Variants in TBC1D32 observed in about 807,000 individuals in gnomAD.
The protein encoded by TBC1D32 is TBC1 domain family member 32, also known as protein broad-minded.
TBC1D32 carries 151 observed loss-of-function variants against 170.3 expected under a neutral mutation model. The observed-to-expected ratio is 0.89, with a 90% CI of 0.78 to 1.01. TBC1D32 has a LOEUF of 1.01. Ranked by LOEUF, TBC1D32 falls within the 50% of genes least tolerant of loss-of-function variation. The pLI is 0.00. For missense variants in TBC1D32, 1,464 were observed against 1,457.1 expected (o/e 1.00, Z -0.08); for synonymous variants, 498 against 488.0 (o/e 1.02, Z -0.27).
intron 30 of TBC1D32, among the ~76,000 whole-genome samples, chr6:121,098,188 A>C (rs1372130807): frequency 8.5e-6 from 1 of 117,832 alleles, no homozygotes; most frequent in African/African-American, 5.9e-5. Context: ...CAGAACTTAA[A>C]GTAGAATAAT....
intron 1 of TBC1D32, among the ~76,000 whole-genome samples, chr6:121,327,604 A>C (rs1810619450): frequency 6.6e-6 from 1 of 152,204 alleles, no homozygotes; most frequent in Non-Finnish European, 1.5e-5. Context: ...GGTAAAGGAA[A>C]GCAAGCCATG....
At chr6:121,295,097 A>G (rs1805416681) in intron 10 of TBC1D32, among the ~76,000 whole-genome samples, 3 of 150,996 alleles carry the variant, frequency 2.0e-5, no homozygotes, top group Non-Finnish European at 4.4e-5. Flanking sequence ...CTAAAAACTG[A>G]TAAAAGAAAA....
intron 21 of TBC1D32, among the ~76,000 whole-genome samples, chr6:121,208,729 G>GAAAAAAAAAAAAAAAAAAAAAAA: frequency 1.2e-5 from 1 of 86,916 alleles, no homozygotes; most frequent in Non-Finnish European, 2.4e-5. Context: ...GAAACACCTG[G>GAAAAAAAAAAAAAAAAAAAAAAA]AAAAAAAAAA....
intron 17 of TBC1D32, among the ~76,000 whole-genome samples, chr6:121,243,756 A>C (rs188891519): frequency 5.3e-5 from 8 of 152,132 alleles, no homozygotes; most frequent in Non-Finnish European, 8.8e-5. Context: ...ATATATATAA[A>C]AGTCAACAAA....
At chr6:121,303,512 T>C (rs1806796810) in intron 9 of TBC1D32, 105 bp downstream of exon 9, 6 of 963,566 alleles carry the variant, frequency 6.2e-6, no homozygotes, top group Non-Finnish European at 8.3e-6. Flanking sequence ...CTAACACATG[T>C]AAAAGTGATT....
chr6:121,308,004 G>T lies in TBC1D32; in HGVS notation c.662C>A (p.Ser221Tyr). 6.2e-7 allele frequency: 1 copy of T among 1,613,758 alleles called. No homozygotes were observed. Among genetic ancestry groups the T allele is most frequent in the Non-Finnish European group, 8.5e-7 (1 of 1,179,802 alleles). ...AAACACAGGATCAGGATCTGAAAGA[G>T]ACACGGTCAGTTTTTCGCAGAGAGT... ...WTTLCEKLTV[S>Y]LSDPDPVFSD... is the part of the protein sequence containing the mutation. Residue 221 changes from serine to tyrosine, a missense_variant, in exon 5 of 32, where the codon TCT (serine) becomes TAT (tyrosine). Ser to Tyr is a moderately radical substitution (Grantham distance 144, BLOSUM62 -2). Coordinates refer to ENST00000398212, the MANE Select transcript of TBC1D32 (RefSeq NM_152730.6).
At position 121,241,517 on chromosome 6, in the gene TBC1D32, C is replaced by A; in HGVS notation, c.2193G>T (p.Leu731Phe). The change falls in exon 19 of 32, where the codon TTG becomes TTT. Residue 731 changes from leucine to phenylalanine, a missense_variant. Transcript: ENST00000398212. ...SRHKKFGYGVLVTRVASTAAG... is the reference protein window; with the variant it reads ...SRHKKFGYGVFVTRVASTAAG... Reference sequence around the variant, plus strand: ...CTGCTGTTGATGCCACTCGTGTAACCAAAACTCCATAGCCAAATTTTTTAT... The same window carrying A: ...CTGCTGTTGATGCCACTCGTGTAACAAAAACTCCATAGCCAAATTTTTTAT... 1 of 1,613,386 alleles carries A rather than the reference C, an allele frequency of 6.2e-7. No homozygotes were observed. The highest frequency in any genetic ancestry group is 8.5e-7 in the Non-Finnish European group (1 of 1,179,694).
chr6:121,210,996 T>A (rs76995290), intron 21 of TBC1D32, among the ~76,000 whole-genome samples: 12 of 127,394 alleles, frequency 9.4e-5, no homozygotes, highest in South Asian at 2.3e-4. Flanking sequence ...ATAAAAAAAA[T>A]ATAGACACAC....
intron 30 of TBC1D32, among the ~76,000 whole-genome samples, chr6:121,095,175 T>C (rs991604377): frequency 2.6e-5 from 4 of 152,132 alleles, no homozygotes; most frequent in Non-Finnish European, 4.4e-5. Context: ...TTAAATAGCT[T>C]TTTAGGTTTG....
rs375123251 is a variant in TBC1D32, at chr6:121,280,797, C to G, written c.1608+747G>C. On this transcript the variant is annotated intron_variant, in intron 14 of 31. Transcript: ENST00000398212. ...AAGCAACAAGCAGAAAAGCATGTGACAGCCCATTGATGGGTGAACATAAGA... is the reference window on the plus strand; with the variant it reads ...AAGCAACAAGCAGAAAAGCATGTGAGAGCCCATTGATGGGTGAACATAAGA... Among the ~76,000 whole-genome samples the G allele has an allele frequency of 2.5e-4, 38 of 151,900 alleles. No individual in the cohort carries two copies. In the South Asian group the frequency reaches 3.9e-3, roughly 16 times the overall value.
At position 121,097,361 on chromosome 6, in the gene TBC1D32, C is replaced by A. The variant is rs147805112; in HGVS notation, c.3466-6320G>T. ...CAAAAAAATTTACAAGAAAAAACAACCCCATCAAAAAGTGGGCAAAGGATA... is the reference window on the plus strand; with the variant it reads ...CAAAAAAATTTACAAGAAAAAACAAACCCATCAAAAAGTGGGCAAAGGATA... On this transcript the variant is annotated intron_variant, in intron 30 of 31. Coordinates refer to ENST00000398212, the MANE Select transcript of TBC1D32 (RefSeq NM_152730.6). Among the ~76,000 whole-genome samples the A allele has an allele frequency of 8.7e-3, 1,321 of 151,812 alleles. 15 individuals are homozygous for A. Among genetic ancestry groups the A allele is most frequent in the African/African-American group, 0.03 (1,257 of 41,478 alleles).
intron 10 of TBC1D32, among the ~76,000 whole-genome samples, chr6:121,295,388 G>T (rs1340205741): frequency 2.0e-5 from 3 of 151,362 alleles, no homozygotes; most frequent in Admixed American, 6.6e-5. Flanking sequence ...ATCACTTTCA[G>T]AGGAGTTTGG....
chr6:121,241,681 TTAAAA>T lies in TBC1D32; in HGVS notation c.2158-134_2158-130del, dbSNP rs1797004625. ...ATATTTTAAAATCATACCTAAGATC[TTAAAA>T]AGCCCAAAAGTCTAGGGATATTTAG... On this transcript the variant is annotated intron_variant, in intron 18 of 31. Coordinates refer to ENST00000398212, the MANE Select transcript of TBC1D32 (RefSeq NM_152730.6). The T allele has an allele frequency of 7.5e-6, 6 of 796,540 alleles. No homozygotes were observed. In the South Asian group the frequency reaches 9.9e-5, roughly 13 times the overall value. The allele number at this position is 796,540 out of a possible 1,614,324, so 49.3% of individuals were successfully genotyped here.
At chr6:121,269,665 A>C (rs573645262) in intron 15 of TBC1D32, among the ~76,000 whole-genome samples, 1 of 152,300 alleles carries the variant, frequency 6.6e-6, no homozygotes, top group African/African-American at 2.4e-5. Context: ...TAATAATGGG[A>C]GACTTTAACA....
At chr6:121,264,194 GAAGAA>G (rs1800147896) in intron 15 of TBC1D32, among the ~76,000 whole-genome samples, 1 of 151,768 alleles carries the variant, frequency 6.6e-6, no homozygotes, top group Admixed American at 6.6e-5. Context: ...GATTAATAAA[GAAGAA>G]AAGAGAGAAG....
At chr6:121,199,237 G>A (rs1475990630) in intron 22 of TBC1D32, among the ~76,000 whole-genome samples, 3 of 151,332 alleles carry the variant, frequency 2.0e-5, no homozygotes, top group Non-Finnish European at 2.9e-5. Context: ...ACACCTACGT[G>A]TGTAAAAACA....
At chr6:121,314,915 T>A (rs1700638779) in intron 3 of TBC1D32, among the ~76,000 whole-genome samples, 1 of 152,226 alleles carries the variant, frequency 6.6e-6, no homozygotes, top group Non-Finnish European at 1.5e-5. Context: ...AAGCAGTGTC[T>A]GTGTGCCAGG....
intron 20 of TBC1D32, among the ~76,000 whole-genome samples, chr6:121,235,844 G>A (rs1796273575): frequency 6.6e-6 from 1 of 152,194 alleles, no homozygotes; most frequent in Non-Finnish European, 1.5e-5. Flanking sequence ...ACAATGTTCT[G>A]TCTGTCTGAG....
chr6:121,185,664 T>C (rs572750297), intron 22 of TBC1D32, among the ~76,000 whole-genome samples: 1 of 152,064 alleles, frequency 6.6e-6, no homozygotes, highest in Non-Finnish European at 1.5e-5. Context: ...AAAAATGCCT[T>C]CTTACACCAT....
Sources: gnomAD v4.1 joint callset for allele counts (sites outside exome capture counted in the v4.1 genomes callset) on GRCh38, gnomAD v4.1.1 for gene constraint, MANE v1.5 for transcripts, NCBI Gene and HGNC (gene_info 2026-07-23, HGNC 2026-07-21) for gene names.